Variants in SPATA6 observed in about 807,000 individuals in gnomAD.
SPATA6 encodes spermatogenesis-associated protein 6.
In SPATA6, 56 loss-of-function variants were observed where a neutral mutation model predicts 65.3. That is an observed-to-expected ratio of 0.86 (90% CI 0.69 to 1.07). The LOEUF is 1.07. Ranked by LOEUF, SPATA6 falls within the 50% of genes least tolerant of loss-of-function variation. SPATA6 has a pLI of 0.00. For missense variants in SPATA6, 590 were observed against 594.8 expected, an observed-to-expected ratio of 0.99 and a Z score of 0.08; for synonymous variants, 199 against 213.2, an observed-to-expected ratio of 0.93 and a Z score of 0.58.
chr1:48,395,460 G>C lies in SPATA6; in HGVS notation c.781-106C>G, dbSNP rs1650499259. 4.8e-6 allele frequency: 3 copies of C among 624,786 alleles called. No individual in the cohort carries two copies. In the South Asian group the frequency reaches 2.0e-4, roughly 41 times the overall value. The allele number at this position is 624,786 out of a possible 1,614,324, so 38.7% of individuals were successfully genotyped here. A position where few individuals can be genotyped will look rare whatever the true frequency, so the allele number is the denominator to read the frequency against. Reference sequence around the variant, plus strand: ...AGAGTACAGAGAGCATATATAATCAGGGAAACATGATGGTGCCCATGAGAG... The same window carrying C: ...AGAGTACAGAGAGCATATATAATCACGGAAACATGATGGTGCCCATGAGAG... On this transcript the variant is annotated intron_variant, in intron 7 of 12. Transcript: ENST00000371847.
chr1:48,266,763 T>G, the SPATA6 span, among the ~76,000 whole-genome samples: 20 of 152,206 alleles, frequency 1.3e-4, no homozygotes, highest in Non-Finnish European at 1.8e-4. Context: ...ATTTTGACTG[T>G]TTTTGTTTAA....
At chr1:48,274,541 T>C in the SPATA6 span, among the ~76,000 whole-genome samples, 1 of 152,328 alleles carries the variant, frequency 6.6e-6, no homozygotes, top group African/African-American at 2.4e-5. Flanking sequence ...AGGGGTCCAG[T>C]TTCAGTTTTC....
chr1:48,335,649 C>A (rs1053152587), intron 11 of SPATA6, among the ~76,000 whole-genome samples: 9 of 152,110 alleles, frequency 5.9e-5, no homozygotes, highest in African/African-American at 2.4e-5. Context: ...TGATTAAAGA[C>A]CTAAATGTAA....
chr1:48,338,258 T>C (rs1419543935), intron 11 of SPATA6, among the ~76,000 whole-genome samples: 1 of 152,042 alleles, frequency 6.6e-6, no homozygotes, highest in Non-Finnish European at 1.5e-5. Flanking sequence ...TGCTAGGTCA[T>C]AATCATTTGA....
intron 3 of SPATA6, chr1:48,436,477 G>A: frequency 6.2e-7 from 1 of 1,608,242 alleles, no homozygotes; most frequent in Non-Finnish European, 8.5e-7. Flanking sequence ...AGCTGTGAGA[G>A]GGTTGAACTA....
the SPATA6 span, among the ~76,000 whole-genome samples, chr1:48,283,224 T>C: frequency 2.7e-5 from 4 of 149,926 alleles, no homozygotes; most frequent in African/African-American, 7.3e-5. Context: ...AGGAGATATA[T>C]CTAATGCTAA....
intron 9 of SPATA6, among the ~76,000 whole-genome samples, chr1:48,380,391 C>T (rs1345509081): frequency 1.3e-5 from 2 of 152,062 alleles, no homozygotes; most frequent in African/African-American, 4.8e-5. Flanking sequence ...CTAAGGGAAG[C>T]CCTGATATTA....
At chr1:48,321,373 T>C (rs571735198) in intron 11 of SPATA6, among the ~76,000 whole-genome samples, 1 of 152,222 alleles carries the variant, frequency 6.6e-6, no homozygotes, top group South Asian at 2.1e-4. Flanking sequence ...AGAGTAGAAG[T>C]AGCTAAACTG....
intron 2 of SPATA6, among the ~76,000 whole-genome samples, chr1:48,452,693 T>C (rs1656686617): frequency 6.6e-6 from 1 of 152,220 alleles, no homozygotes; most frequent in African/African-American, 2.4e-5. Flanking sequence ...TGATATATTC[T>C]TATCTATTAA....
At chr1:48,426,683 A>G (rs924441181) in intron 3 of SPATA6, among the ~76,000 whole-genome samples, 2 of 152,110 alleles carry the variant, frequency 1.3e-5, no homozygotes, top group African/African-American at 4.8e-5. Context: ...TGAACAAAGA[A>G]AAGGATCAAG....
At position 48,383,325 on chromosome 1, in the gene SPATA6, TC is replaced by T. The variant is rs1410052720; in HGVS notation, c.909+1983del. Reference sequence around the variant, plus strand: ...CGGGGGGCTGACCCCCCCACCTCCCTCCCGGACGGGGCGGCTGGCCGACCGC... The same window carrying T: ...CGGGGGGCTGACCCCCCCACCTCCCTCCGGACGGGGCGGCTGGCCGACCGC... On this transcript the variant is annotated intron_variant, in intron 9 of 12. Transcript: ENST00000371847. Among the ~76,000 whole-genome samples the T allele has an allele frequency of 9.5e-5, 5 of 52,872 alleles. 2 individuals are homozygous for T. Among genetic ancestry groups the T allele is most frequent in the Admixed American group, 3.6e-4 (2 of 5,588 alleles). 34.7% of individuals were successfully genotyped at this position (52,872 alleles called of 152,430 possible).
intron 1 of SPATA6, among the ~76,000 whole-genome samples, chr1:48,459,905 T>G (rs2255525): frequency 0.14 from 21,756 of 152,076 alleles, 1,775 homozygotes; most frequent in African/African-American, 0.21. Flanking sequence ...ATAAGACAAA[T>G]TAGAAAAAAA....
intron 12 of SPATA6, among the ~76,000 whole-genome samples, chr1:48,301,874 G>C (rs780276617): frequency 1.3e-5 from 2 of 151,950 alleles, no homozygotes; most frequent in Admixed American, 1.3e-4. Context: ...TACAAACATC[G>C]AACTAAAATG....
intron 3 of SPATA6, among the ~76,000 whole-genome samples, chr1:48,446,165 G>A (rs1236617368): frequency 6.6e-5 from 10 of 150,986 alleles, no homozygotes; most frequent in Admixed American, 1.3e-4. Flanking sequence ...TACCAACAAA[G>A]AAACTCTACA....
the SPATA6 span, among the ~76,000 whole-genome samples, chr1:48,266,242 T>C: frequency 6.6e-6 from 1 of 152,060 alleles, no homozygotes. Context: ...TCACTGAAAA[T>C]CAAATACCAC....
chr1:48,433,477 C>T (rs1298106021), intron 3 of SPATA6, among the ~76,000 whole-genome samples: 9 of 151,818 alleles, frequency 5.9e-5, no homozygotes, highest in Admixed American at 1.3e-4. Context: ...AATAATTTTC[C>T]TTCTTCTTCT....
At chr1:48,425,462 G>A (rs926152491) in intron 3 of SPATA6, among the ~76,000 whole-genome samples, 1 of 152,186 alleles carries the variant, frequency 6.6e-6, no homozygotes, top group Non-Finnish European at 1.5e-5. Flanking sequence ...TTCATAAGAG[G>A]AGTGTAGTTT....
chr1:48,278,726 G>A, the SPATA6 span, among the ~76,000 whole-genome samples: 526 of 152,278 alleles, frequency 3.5e-3, 3 homozygotes, highest in African/African-American at 0.012. Context: ...TGAAACTGAC[G>A]GGGAGAATGG....
At chr1:48,428,259 A>T (rs1462905565) in intron 3 of SPATA6, among the ~76,000 whole-genome samples, 1 of 152,190 alleles carries the variant, frequency 6.6e-6, no homozygotes, top group Non-Finnish European at 1.5e-5. Context: ...ATTCGAGACC[A>T]GCCTGACCAA....
Sources: allele counts gnomAD v4.1 joint callset (sites outside exome capture counted in the v4.1 genomes callset), GRCh38; gene constraint gnomAD v4.1.1; transcripts MANE v1.5; gene names NCBI Gene and HGNC (gene_info 2026-07-23, HGNC 2026-07-21).